NINJ2: variants seen among roughly 807,000 people sequenced by gnomAD.
The protein encoded by NINJ2 is ninjurin 2, also known as ninjurin-2.
Under a neutral mutation model 11.7 loss-of-function variants are expected in NINJ2, and 12 were observed. That is an observed-to-expected ratio of 1.02 (90% confidence interval 0.66 to 1.66). The LOEUF is 1.66. Ranked by LOEUF, NINJ2 falls within the 40% of genes most tolerant of loss-of-function variation. The pLI is 0.00. For synonymous variants in NINJ2, 93 were observed against 76.8 expected, an observed-to-expected ratio of 1.21 and a Z score of -1.10; for missense variants, 187 against 181.8, an observed-to-expected ratio of 1.03 and a Z score of -0.16.
At chr12:644,921 A>G (rs1251451266) in intron 1 of NINJ2, 2 of 152,144 alleles carry the variant, frequency 1.3e-5, no homozygotes, top group East Asian at 1.9e-4. Context: ...AACCACTGAG[A>G]GAAGCAGGAG....
chr12:659,053 AAT>A (rs34183190), intron 1 of NINJ2, among the ~76,000 whole-genome samples: 41 of 145,366 alleles, frequency 2.8e-4, no homozygotes, highest in Admixed American at 7.7e-4. Context: ...TATTATATAT[AAT>A]ATATATATAA....
At chr12:588,543 G>A (rs1170165946) in intron 1 of NINJ2, among the ~76,000 whole-genome samples, 2 of 152,064 alleles carry the variant, frequency 1.3e-5, no homozygotes, top group Non-Finnish European at 2.9e-5. Context: ...CTTATCTAAG[G>A]GACTCTGAGG....
intron 1 of NINJ2, among the ~76,000 whole-genome samples, chr12:660,460 C>A (rs1937943442): frequency 6.6e-6 from 1 of 151,478 alleles, no homozygotes; most frequent in Admixed American, 6.6e-5. Context: ...CCTGCCTCAG[C>A]CTCCTGAGTA....
intron 1 of NINJ2, among the ~76,000 whole-genome samples, chr12:601,420 C>A (rs564899402): frequency 0.026 from 4,014 of 151,578 alleles, 186 homozygotes; most frequent in African/African-American, 0.085. Flanking sequence ...TGGTGGCGGG[C>A]GCCTGTAGTC....
intron 1 of NINJ2, among the ~76,000 whole-genome samples, chr12:641,342 C>A (rs77601576): frequency 1.4e-5 from 2 of 141,784 alleles, no homozygotes; most frequent in Non-Finnish European, 3.0e-5. Context: ...TTTGCAGATT[C>A]TCTAGGTTGA....
chr12:601,054 C>G (rs1313326653), intron 1 of NINJ2, among the ~76,000 whole-genome samples: 1 of 152,176 alleles, frequency 6.6e-6, no homozygotes, highest in Non-Finnish European at 1.5e-5. Flanking sequence ...AGAAGACTTA[C>G]TATTTAGTTC....
intron 1 of NINJ2, among the ~76,000 whole-genome samples, chr12:638,519 CA>C (rs1005863460): frequency 1.6e-4 from 25 of 152,308 alleles, no homozygotes; most frequent in African/African-American, 5.5e-4. Flanking sequence ...AGGTTCACGC[CA>C]TTCTCCTGCC....
chr12:569,789 G>T (rs550814431), intron 1 of NINJ2, among the ~76,000 whole-genome samples: 1 of 152,232 alleles, frequency 6.6e-6, no homozygotes, highest in African/African-American at 2.4e-5. Flanking sequence ...TTGCTTCACA[G>T]AGGACGTGAG....
At chr12:647,303 G>T (rs945860210) in intron 1 of NINJ2, among the ~76,000 whole-genome samples, 1 of 152,196 alleles carries the variant, frequency 6.6e-6, no homozygotes, top group Non-Finnish European at 1.5e-5. Flanking sequence ...AATCTTTCTA[G>T]TGGGGGTGGG....
At chr12:659,460 G>A (rs185368693) in intron 1 of NINJ2, among the ~76,000 whole-genome samples, 64 of 152,300 alleles carry the variant, frequency 4.2e-4, no homozygotes, top group Admixed American at 3.9e-3. Context: ...GGAAGAAAGG[G>A]ATTATCCTCA....
At chr12:630,532 G>A (rs1399688005) in intron 1 of NINJ2, among the ~76,000 whole-genome samples, 6 of 151,982 alleles carry the variant, frequency 3.9e-5, no homozygotes, top group African/African-American at 9.7e-5. Context: ...CGGCCACCAC[G>A]CCTGGCTAAT....
At chr12:584,660 G>C (rs12422712) in intron 1 of NINJ2, among the ~76,000 whole-genome samples, 1 of 151,834 alleles carries the variant, frequency 6.6e-6, no homozygotes, top group South Asian at 2.1e-4. Flanking sequence ...ACAAAATTTA[G>C]CCGGGTGTGG....
intron 3 of NINJ2, among the ~76,000 whole-genome samples, chr12:564,944 A>T (rs1947271991): frequency 6.6e-6 from 1 of 152,178 alleles, no homozygotes; most frequent in African/African-American, 2.4e-5. Flanking sequence ...CTCTTGCCGG[A>T]GGGGCAGAGT....
At chr12:616,932 G>A (rs957968788) in intron 1 of NINJ2, among the ~76,000 whole-genome samples, 2 of 152,198 alleles carry the variant, frequency 1.3e-5, no homozygotes, top group East Asian at 1.9e-4. Flanking sequence ...TCAGCCGGGC[G>A]CAGTGGCTCA....
intron 1 of NINJ2, among the ~76,000 whole-genome samples, chr12:616,750 A>G (rs2120360627): frequency 6.6e-6 from 1 of 152,322 alleles, no homozygotes; most frequent in South Asian, 2.1e-4. Flanking sequence ...TACCTTTAAG[A>G]TTTATCCAAA....
At position 600,653 on chromosome 12, in the gene NINJ2, GGTGTGTGTGT is replaced by G. The variant is rs58255968; in HGVS notation, c.34-34485_34-34476del. Among the ~76,000 whole-genome samples the G allele has an allele frequency of 7.0e-3, 1,000 of 142,030 alleles. 33 individuals are homozygous for G. The East Asian group carries it at 0.11, about 16-fold the overall frequency. 93.2% of individuals were successfully genotyped at this position (142,030 alleles called of 152,430 possible). ...AAGGCGGGTGGCAGAATTTTTTTGG[GGTGTGTGTGT>G]GTGTGTGTGTGTGTGTGTGTGTGTG... On this transcript the variant is annotated intron_variant, in intron 1 of 3. Transcript: ENST00000305108.
At chr12:566,606 A>G (rs1192526410) in intron 1 of NINJ2, among the ~76,000 whole-genome samples, 3 of 152,206 alleles carry the variant, frequency 2.0e-5, no homozygotes, top group Non-Finnish European at 4.4e-5. Context: ...GGTGAAATAG[A>G]GAAAGGCACC....
At chr12:578,390 CTCACTGTAGCT>C (rs1440855408) in intron 1 of NINJ2, among the ~76,000 whole-genome samples, 1 of 152,174 alleles carries the variant, frequency 6.6e-6, no homozygotes, top group Non-Finnish European at 1.5e-5. Flanking sequence ...GCAATCATGG[CTCACTGTAGCT>C]TCAAACTCCT....
At chr12:636,394 A>AACAG (rs1948352403) in intron 1 of NINJ2, among the ~76,000 whole-genome samples, 1 of 11,810 alleles carries the variant, frequency 8.5e-5, no homozygotes, top group Non-Finnish European at 4.4e-4. Context: ...TAAATAAATA[A>AACAG]ATAGATAAAT....
Sources: allele counts gnomAD v4.1 joint callset (sites outside exome capture counted in the v4.1 genomes callset), GRCh38; gene constraint gnomAD v4.1.1; transcripts MANE v1.5; gene names NCBI Gene and HGNC (gene_info 2026-07-23, HGNC 2026-07-21).